Variants in KCND2 observed in about 807,000 individuals in gnomAD.
KCND2 encodes the protein A-type voltage-gated potassium channel KCND2.
KCND2 carries 16 observed loss-of-function variants against 54.4 expected under a neutral mutation model. The observed-to-expected ratio is 0.29, with a 90% CI of 0.20 to 0.45. KCND2 has a LOEUF of 0.45. KCND2 is among the 20% of genes least tolerant of loss of function. The pLI is 1.00. For missense variants in KCND2, 486 were observed against 824.2 expected (o/e 0.59, Z 5.02); for synonymous variants, 317 against 310.7 (o/e 1.02, Z -0.21).
At chr7:120,409,801 T>C (rs1004306053) in intron 1 of KCND2, among the ~76,000 whole-genome samples, 2 of 151,960 alleles carry the variant, frequency 1.3e-5, no homozygotes, top group Admixed American at 1.3e-4. Context: ...TTGTTCTTTA[T>C]CTAATACATG....
chr7:120,425,368 T>C (rs191062572), intron 1 of KCND2, among the ~76,000 whole-genome samples: 31 of 152,360 alleles, frequency 2.0e-4, no homozygotes, highest in African/African-American at 6.5e-4. Flanking sequence ...AGGCCACAGA[T>C]ACGTGATGCC....
At chr7:120,349,013 A>G (rs893922710) in intron 1 of KCND2, among the ~76,000 whole-genome samples, 12 of 152,164 alleles carry the variant, frequency 7.9e-5, no homozygotes, top group Non-Finnish European at 1.2e-4. Flanking sequence ...TTACATATCT[A>G]TCTGTGGTAT....
At chr7:120,340,319 A>G (rs1400524098) in intron 1 of KCND2, among the ~76,000 whole-genome samples, 2 of 152,244 alleles carry the variant, frequency 1.3e-5, no homozygotes. Context: ...AGGATTTCCA[A>G]CAAATTGGAT....
intron 1 of KCND2, among the ~76,000 whole-genome samples, chr7:120,503,724 A>G (rs910405068): frequency 3.9e-5 from 6 of 151,960 alleles, no homozygotes; most frequent in African/African-American, 1.4e-4. Context: ...TTAAAACTAA[A>G]AAGATTCTAG....
At chr7:120,520,726 G>A (rs802365) in intron 1 of KCND2, among the ~76,000 whole-genome samples, 10,093 of 152,022 alleles carry the variant, frequency 0.066, 885 homozygotes, top group East Asian at 0.45. Context: ...ATGAAATAGA[G>A]ACAGACAGAC....
chr7:120,372,511 A>AGTTTT (rs1249682160), intron 1 of KCND2, among the ~76,000 whole-genome samples: 1 of 151,888 alleles, frequency 6.6e-6, no homozygotes, highest in Non-Finnish European at 1.5e-5. Flanking sequence ...TAAAAACTCA[A>AGTTTT]GTTTTGTTTT....
At chr7:120,419,006 C>G (rs1481647897) in intron 1 of KCND2, among the ~76,000 whole-genome samples, 1 of 152,128 alleles carries the variant, frequency 6.6e-6, no homozygotes, top group Non-Finnish European at 1.5e-5. Flanking sequence ...GAAACCCTTA[C>G]CCAAATCCTC....
chr7:120,276,195 G>A (rs144308141), intron 1 of KCND2, among the ~76,000 whole-genome samples: 224 of 152,156 alleles, frequency 1.5e-3, no homozygotes, highest in African/African-American at 5.2e-3. Flanking sequence ...GATACTTATG[G>A]TGTACATTTT....
At chr7:120,397,966 T>G (rs1801178445) in intron 1 of KCND2, among the ~76,000 whole-genome samples, 2 of 141,684 alleles carry the variant, frequency 1.4e-5, no homozygotes, top group African/African-American at 5.1e-5. Flanking sequence ...TATGTGTGTG[T>G]ATATAAGTGT....
At chr7:120,572,091 C>T (rs980375407) in intron 1 of KCND2, among the ~76,000 whole-genome samples, 3 of 151,810 alleles carry the variant, frequency 2.0e-5, no homozygotes, top group African/African-American at 7.2e-5. Flanking sequence ...ATGAAAAGAA[C>T]GATTGCCTTG....
chr7:120,564,773 A>G (rs1792276272), intron 1 of KCND2, among the ~76,000 whole-genome samples: 1 of 152,160 alleles, frequency 6.6e-6, no homozygotes, highest in African/African-American at 2.4e-5. Context: ...AAACTATACA[A>G]TTTATGTTCT....
At chr7:120,365,589 C>T (rs570023757) in intron 1 of KCND2, among the ~76,000 whole-genome samples, 4 of 152,136 alleles carry the variant, frequency 2.6e-5, no homozygotes, top group African/African-American at 9.6e-5. Context: ...CCTGCGTGCC[C>T]CTGATTAAGG....
At chr7:120,622,184 T>C (rs1383290382) in intron 1 of KCND2, among the ~76,000 whole-genome samples, 4 of 152,188 alleles carry the variant, frequency 2.6e-5, no homozygotes, top group Non-Finnish European at 4.4e-5. Context: ...TACGATGTTA[T>C]GCGGGATTTT....
intron 1 of KCND2, among the ~76,000 whole-genome samples, chr7:120,321,551 A>G (rs1799893049): frequency 6.6e-6 from 1 of 152,010 alleles, no homozygotes; most frequent in African/African-American, 2.4e-5. Context: ...ATATTTGAAT[A>G]TTATTTTTTT....
At chr7:120,411,112 A>G (rs183519164) in intron 1 of KCND2, among the ~76,000 whole-genome samples, 25 of 152,176 alleles carry the variant, frequency 1.6e-4, no homozygotes, top group African/African-American at 5.8e-4. Flanking sequence ...ATCAATGTGC[A>G]AAAGTCTTCT....
At chr7:120,515,076 T>C (rs905283677) in intron 1 of KCND2, among the ~76,000 whole-genome samples, 5 of 152,156 alleles carry the variant, frequency 3.3e-5, no homozygotes, top group Non-Finnish European at 7.4e-5. Context: ...GCTTATACTT[T>C]GCATTTTTTT....
At chr7:120,561,933 A>G (rs1584829070) in intron 1 of KCND2, among the ~76,000 whole-genome samples, 2 of 152,114 alleles carry the variant, frequency 1.3e-5, no homozygotes, top group East Asian at 1.9e-4. Context: ...TTGATAGACT[A>G]CTTATGAAGA....
At chr7:120,533,395 C>T (rs1791865354) in intron 1 of KCND2, among the ~76,000 whole-genome samples, 1 of 152,030 alleles carries the variant, frequency 6.6e-6, no homozygotes, top group Non-Finnish European at 1.5e-5. Context: ...CATAGTTTCT[C>T]ATAGCATTTT....
At chr7:120,445,488 ACAT>A (rs1204444449) in intron 1 of KCND2, among the ~76,000 whole-genome samples, 1 of 152,196 alleles carries the variant, frequency 6.6e-6, no homozygotes, top group African/African-American at 2.4e-5. Flanking sequence ...TAAGCGAGTT[ACAT>A]CATGTTGCTG....
Sources: gnomAD v4.1 joint callset for allele counts (sites outside exome capture counted in the v4.1 genomes callset) on GRCh38, gnomAD v4.1.1 for gene constraint, MANE v1.5 for transcripts, NCBI Gene and HGNC (gene_info 2026-07-23, HGNC 2026-07-21) for gene names.